Variants in CSMD2 observed in about 807,000 individuals in gnomAD.
CSMD2 encodes the protein CUB and sushi domain-containing protein 2.
Under a neutral mutation model 398.5 loss-of-function variants are expected in CSMD2, and 130 were observed. The ratio of observed to expected loss-of-function variants is 0.33; its 90% confidence interval spans 0.28 to 0.38. The LOEUF (loss-of-function observed/expected upper bound fraction) is 0.38. Among genes scored for constraint, CSMD2 ranks in the 10% least tolerant of loss-of-function variants. The pLI, the probability that CSMD2 is intolerant of heterozygous loss-of-function variation, is 1.00. For missense variants in CSMD2, 3,829 were observed against 4,764.9 expected, an observed-to-expected ratio of 0.80 and a Z score of 5.78; for synonymous variants, 1,828 against 1,908.5, an observed-to-expected ratio of 0.96 and a Z score of 1.10.
At chr1:34,025,813 A>G (rs757551547) in intron 3 of CSMD2, among the ~76,000 whole-genome samples, 3 of 152,238 alleles carry the variant, frequency 2.0e-5, no homozygotes, top group Admixed American at 6.5e-5. Context: ...GCAGTGCCAG[A>G]GGCTCATGAA....
At chr1:33,916,133 C>T (rs1643710983) in intron 5 of CSMD2, among the ~76,000 whole-genome samples, 1 of 152,082 alleles carries the variant, frequency 6.6e-6, no homozygotes, top group African/African-American at 2.4e-5. Context: ...ATTTTGGAGG[C>T]ATCTGTGATG....
intron 5 of CSMD2, among the ~76,000 whole-genome samples, chr1:33,873,266 T>C (rs981224118): frequency 2.0e-5 from 3 of 152,182 alleles, no homozygotes; most frequent in Non-Finnish European, 4.4e-5. Context: ...GGAAGGGACA[T>C]GTATTCTGCA....
intron 2 of CSMD2, among the ~76,000 whole-genome samples, chr1:34,042,841 G>A (rs1375785518): frequency 6.6e-6 from 1 of 152,132 alleles, no homozygotes; most frequent in East Asian, 1.9e-4. Flanking sequence ...AGGCTGGAGT[G>A]CAGTGGCGTG....
chr1:33,887,466 A>G (rs1641680394), intron 5 of CSMD2, among the ~76,000 whole-genome samples: 1 of 152,204 alleles, frequency 6.6e-6, no homozygotes, highest in South Asian at 2.1e-4. Flanking sequence ...TAGCCTCATC[A>G]AGCGATGGTG....
At chr1:34,021,707 A>G (rs1264117295) in intron 3 of CSMD2, among the ~76,000 whole-genome samples, 2 of 152,140 alleles carry the variant, frequency 1.3e-5, no homozygotes, top group Non-Finnish European at 2.9e-5. Flanking sequence ...CTTGGAGCCA[A>G]GAGAATAAAT....
chr1:33,572,422 G>C, intron 50 of CSMD2, 84 bp downstream of exon 50: 2 of 1,117,046 alleles, frequency 1.8e-6, no homozygotes, highest in Non-Finnish European at 1.2e-6. Context: ...TCATTACTTT[G>C]CTTTTAGCTC....
intron 15 of CSMD2, among the ~76,000 whole-genome samples, chr1:33,733,631 T>G (rs375887845): frequency 5.9e-5 from 9 of 152,100 alleles, no homozygotes; most frequent in East Asian, 1.9e-4. Flanking sequence ...AATCGGATCA[T>G]GGGGGCAGTT....
chr1:33,848,855 G>A (rs1377855430), intron 5 of CSMD2, among the ~76,000 whole-genome samples: 1 of 139,940 alleles, frequency 7.1e-6, no homozygotes, highest in African/African-American at 2.6e-5. Flanking sequence ...CTATCTCAAT[G>A]ACAAAGCTTG....
rs539440893 is a variant in CSMD2 at position 34,058,922 on chromosome 1, C to T, written c.405-26216G>A. 2.6e-5 allele frequency among the ~76,000 whole-genome samples: 4 copies of T among 152,234 alleles called. No individual in the cohort carries two copies. The South Asian group carries it at 8.3e-4, about 32-fold the overall frequency. On this transcript the variant is annotated intron_variant, in intron 2 of 70. Transcript: ENST00000373381. Reference sequence around the variant, plus strand: ...CTAGCCTTGAACCTTGGGTGGGGCCCTTGTCTAAACCAAACTTTAGGACCT... The same window carrying T: ...CTAGCCTTGAACCTTGGGTGGGGCCTTTGTCTAAACCAAACTTTAGGACCT...
At chr1:33,839,590 T>A (rs535306829) in intron 6 of CSMD2, 2 of 154,244 alleles carry the variant, frequency 1.3e-5, no homozygotes, top group African/African-American at 4.8e-5. Context: ...GATGTTACTA[T>A]TAGTGTCTAT....
At chr1:33,587,662 C>G (rs1639179799) in intron 44 of CSMD2, among the ~76,000 whole-genome samples, 1 of 152,234 alleles carries the variant, frequency 6.6e-6, no homozygotes, top group African/African-American at 2.4e-5. Flanking sequence ...CATCTACATG[C>G]TGCATGTGGC....
intron 2 of CSMD2, among the ~76,000 whole-genome samples, chr1:34,073,373 T>C (rs1402442279): frequency 5.3e-5 from 8 of 152,260 alleles, no homozygotes; most frequent in Admixed American, 5.2e-4. Context: ...TGTTTCTAAT[T>C]AGTTTACACT....
intron 25 of CSMD2, among the ~76,000 whole-genome samples, chr1:33,676,411 A>C (rs1483879489): frequency 2.0e-5 from 3 of 152,262 alleles, no homozygotes; most frequent in Non-Finnish European, 4.4e-5. Flanking sequence ...AGGGATGTGA[A>C]GGACCTCTTC....
At chr1:33,818,184 A>G (rs1657691018) in intron 9 of CSMD2, among the ~76,000 whole-genome samples, 1 of 152,244 alleles carries the variant, frequency 6.6e-6, no homozygotes, top group Non-Finnish European at 1.5e-5. Context: ...ACAGATGGGC[A>G]GGGTCCCTTG....
At chr1:33,859,746 T>G (rs915452196) in intron 5 of CSMD2, among the ~76,000 whole-genome samples, 1 of 152,252 alleles carries the variant, frequency 6.6e-6, no homozygotes, top group Non-Finnish European at 1.5e-5. Flanking sequence ...TGTTTGCTGT[T>G]GTTGCTGTGG....
Position 33,697,758 on chromosome 1 carries a change from T to C in CSMD2, c.3925+995A>G, listed in dbSNP as rs1308291626. Reference sequence around the variant, plus strand: ...TTACAGTGCTTCTCTTACATTATACTTATCTGTTTATGTGTCTATTCTCCA... The same window carrying C: ...TTACAGTGCTTCTCTTACATTATACCTATCTGTTTATGTGTCTATTCTCCA... On this transcript the variant is annotated intron_variant, in intron 24 of 70. Coordinates refer to ENST00000373381, the MANE Select transcript of CSMD2 (RefSeq NM_001281956.2). Among the ~76,000 whole-genome samples, 5 of 152,376 alleles carry C rather than the reference T, an allele frequency of 3.3e-5. No homozygotes were observed. In the East Asian group the frequency reaches 7.7e-4, roughly 23 times the overall value.
rs780378076 is a variant in CSMD2, at chr1:33,571,709, C to T, written c.7780G>A (p.Val2594Ile). Residue 2594 changes from valine to isoleucine, a missense_variant, in exon 51 of 71, where the codon GTC (valine) becomes ATC (isoleucine). Transcript: ENST00000373381. ...PQCVPVTCPD[V>I]SSISVEHGRW... ...CCATGCTCCACGCTGATGCTACTGA[C>T]ATCAGGACAAGTCACAGCTGGGGAA... is the stretch of plus-strand genomic sequence containing the variant. 5.3e-6 allele frequency: 8 copies of T among 1,509,512 alleles called. No individual in the cohort carries two copies. The highest frequency in any genetic ancestry group is 5.4e-6 in the Non-Finnish European group (6 of 1,114,430). The allele number at this position is 1,509,512 out of a possible 1,614,324, so 93.5% of individuals were successfully genotyped here.
rs1192472578 is a variant in CSMD2 at position 33,581,846 on chromosome 1, GC to G, written c.7241-948del. Among the ~76,000 whole-genome samples, 3 of 152,254 alleles carry G rather than the reference GC, an allele frequency of 2.0e-5. No individual in the cohort carries two copies. The East Asian group carries it at 5.8e-4, about 29-fold the overall frequency. ...AGGCCCTGAATGATGGCTCTACTATGCCACTGAGACAGCTCTTAGAAGCTTG... is the reference window on the plus strand; with the variant it reads ...AGGCCCTGAATGATGGCTCTACTATGCACTGAGACAGCTCTTAGAAGCTTG... On this transcript the variant is annotated intron_variant, in intron 47 of 70. Transcript: ENST00000373381.
chr1:34,006,864 G>C (rs552559265), intron 3 of CSMD2, among the ~76,000 whole-genome samples: 1 of 152,034 alleles, frequency 6.6e-6, no homozygotes, highest in South Asian at 2.1e-4. Flanking sequence ...CAAGGAGTAT[G>C]CAAGTGCTGG....
Sources: allele counts gnomAD v4.1 joint callset (sites outside exome capture counted in the v4.1 genomes callset), GRCh38; gene constraint gnomAD v4.1.1; transcripts MANE v1.5; gene names NCBI Gene and HGNC (gene_info 2026-07-23, HGNC 2026-07-21).